PARP16: variants seen among roughly 807,000 people sequenced by gnomAD.
PARP16 encodes the protein protein mono-ADP-ribosyltransferase PARP16.
Under a neutral mutation model 35.0 loss-of-function variants are expected in PARP16, and 31 were observed. That is an observed-to-expected ratio of 0.88 (90% CI 0.66 to 1.19). The LOEUF is 1.19. Among genes scored for constraint, PARP16 ranks in the 50% most tolerant of loss-of-function variants. PARP16 has a pLI of 0.00. For missense variants in PARP16, 424 were observed against 411.2 expected, an observed-to-expected ratio of 1.03 and a Z score of -0.27; for synonymous variants, 162 against 169.5, an observed-to-expected ratio of 0.96 and a Z score of 0.34.
intron 2 of PARP16, among the ~76,000 whole-genome samples, chr15:65,251,168 G>A (rs1442591082): frequency 6.6e-6 from 1 of 152,158 alleles, no homozygotes; most frequent in Non-Finnish European, 1.5e-5. Flanking sequence ...ACAGGCATGA[G>A]TCACCATGCC....
chr15:65,237,719 G>T (rs1275272046), intron 3 of PARP16, among the ~76,000 whole-genome samples: 2 of 152,178 alleles, frequency 1.3e-5, no homozygotes, highest in African/African-American at 4.8e-5. Context: ...TGGCCCAGTG[G>T]TCTGATCTTG....
intron 3 of PARP16, among the ~76,000 whole-genome samples, chr15:65,247,270 C>T (rs2089233865): frequency 6.6e-6 from 1 of 152,174 alleles, no homozygotes; most frequent in African/African-American, 2.4e-5. Context: ...GCTGGGATTA[C>T]AGGCATGAAC....
intron 1 of PARP16, among the ~76,000 whole-genome samples, chr15:65,275,234 T>C (rs1011347390): frequency 6.6e-6 from 1 of 152,182 alleles, no homozygotes; most frequent in Non-Finnish European, 1.5e-5. Context: ...GGGACCAGCT[T>C]CACAGAGGAG....
intron 1 of PARP16, among the ~76,000 whole-genome samples, chr15:65,274,378 T>A (rs2090186211): frequency 6.6e-6 from 1 of 151,646 alleles, no homozygotes; most frequent in African/African-American, 2.4e-5. Flanking sequence ...AGGGGCAACA[T>A]GGCGAAACCG....
At chr15:65,250,106 CCTTTTT>C (rs2089317069) in intron 2 of PARP16, among the ~76,000 whole-genome samples, 1 of 104,198 alleles carries the variant, frequency 9.6e-6, no homozygotes, top group Non-Finnish European at 1.9e-5. Context: ...CACCTGCTTG[CCTTTTT>C]TTTTTTTTTT....
At chr15:65,264,089 G>A (rs758368163) in intron 3 of PARP16, among the ~76,000 whole-genome samples, 4 of 152,302 alleles carry the variant, frequency 2.6e-5, no homozygotes, top group South Asian at 2.1e-4. Context: ...GGCAAGGTAC[G>A]TTTTACTCTT....
intron 2 of PARP16, among the ~76,000 whole-genome samples, chr15:65,248,713 G>A (rs933282543): frequency 1.3e-5 from 2 of 152,192 alleles, no homozygotes; most frequent in African/African-American, 4.8e-5. Flanking sequence ...CACACTGTCT[G>A]CCTCCTTCCC....
At chr15:65,262,253 C>T (rs2140854901) in intron 4 of PARP16, among the ~76,000 whole-genome samples, 1 of 151,506 alleles carries the variant, frequency 6.6e-6, no homozygotes, top group East Asian at 1.9e-4. Context: ...ATGACTCAGT[C>T]TCCCAAGTAG....
At chr15:65,233,333 C>T (rs1458893981), downstream of PARP16, among the ~76,000 whole-genome samples, 9 of 152,082 alleles carry the variant, frequency 5.9e-5, no homozygotes, top group Non-Finnish European at 1.5e-5. Context: ...ACCCAGGAGG[C>T]GGAGCTTGCA....
intron 1 of PARP16, among the ~76,000 whole-genome samples, chr15:65,277,659 C>T (rs1302932859): frequency 3.9e-5 from 6 of 152,184 alleles, no homozygotes; most frequent in Non-Finnish European, 8.8e-5. Context: ...AGCCAGGTGG[C>T]CCGACTCCAG....
downstream of PARP16, among the ~76,000 whole-genome samples, chr15:65,231,745 G>A (rs2088780362): frequency 6.6e-6 from 1 of 152,028 alleles, no homozygotes; most frequent in Non-Finnish European, 1.5e-5. Context: ...GCCATGCTTG[G>A]CCTGTGTTTT....
chr15:65,270,021 A>G (rs1184075731), intron 2 of PARP16, among the ~76,000 whole-genome samples: 1 of 152,226 alleles, frequency 6.6e-6, no homozygotes, highest in Admixed American at 6.5e-5. Context: ...TGGTATTTTA[A>G]CATCTAACAC....
intron 3 of PARP16, among the ~76,000 whole-genome samples, chr15:65,265,423 C>T (rs975589021): frequency 6.6e-6 from 1 of 152,180 alleles, no homozygotes; most frequent in African/African-American, 2.4e-5. Flanking sequence ...GGCCATAGAG[C>T]TGCTAAGTAA....
At chr15:65,254,591 G>A (rs2089450317), downstream of PARP16, among the ~76,000 whole-genome samples, 1 of 152,148 alleles carries the variant, frequency 6.6e-6, no homozygotes, top group Admixed American at 6.5e-5. Flanking sequence ...GGCTGTGGAG[G>A]GGGTTTAGAG....
intron 2 of PARP16, among the ~76,000 whole-genome samples, chr15:65,268,554 T>C (rs1436920867): frequency 6.6e-6 from 1 of 152,204 alleles, no homozygotes; most frequent in African/African-American, 2.4e-5. Flanking sequence ...CGAGCAATCC[T>C]CTATCCTCAG....
chr15:65,269,176 T>TTTTCTTTTTCTTTC (rs2090007661), intron 2 of PARP16, among the ~76,000 whole-genome samples: 2 of 146,054 alleles, frequency 1.4e-5, no homozygotes, highest in African/African-American at 2.6e-5. Flanking sequence ...TAGTCGGTTT[T>TTTTCTTTTTCTTTC]TTTCTTTCTT....
intron 3 of PARP16, among the ~76,000 whole-genome samples, chr15:65,245,740 G>A (rs971466210): frequency 3.3e-5 from 5 of 152,170 alleles, no homozygotes. Context: ...GCTCAGGACA[G>A]CCATCAGAGG....
intron 3 of PARP16, 77 bp downstream of exon 3, chr15:65,266,485 T>C: frequency 8.0e-7 from 1 of 1,250,216 alleles, no homozygotes; most frequent in African/African-American, 1.5e-5. Flanking sequence ...ACTCCTAGGG[T>C]TCTGAATCTC....
intron 5 of PARP16, 60 bp downstream of exon 5, chr15:65,260,825 A>C: frequency 2.6e-6 from 4 of 1,547,948 alleles, no homozygotes; most frequent in Non-Finnish European, 3.6e-6. Context: ...GCTGATACCT[A>C]CAACAACTAA....
Sources: gnomAD v4.1 joint callset for allele counts (sites outside exome capture counted in the v4.1 genomes callset) on GRCh38, gnomAD v4.1.1 for gene constraint, MANE v1.5 for transcripts, NCBI Gene and HGNC (gene_info 2026-07-23, HGNC 2026-07-21) for gene names.